The following KCNN2 variants were observed in gnomAD, a reference collection of about 807,000 sequenced individuals.
KCNN2 encodes the protein potassium calcium-activated channel subfamily N member 2.
KCNN2 carries 24 observed loss-of-function variants against 55.5 expected under a neutral mutation model. The ratio of observed to expected loss-of-function variants is 0.43; its 90% CI spans 0.31 to 0.61. KCNN2 has a LOEUF of 0.61. Ranked by LOEUF, KCNN2 falls within the 20% of genes least tolerant of loss-of-function variation. The pLI is 0.08. For missense variants in KCNN2, 754 were observed against 853.6 expected (o/e 0.88, Z 1.45); for synonymous variants, 431 against 336.1 (o/e 1.28, Z -3.09).
chr5:114,259,709 G>A (rs1419995126), intron 2 of KCNN2, among the ~76,000 whole-genome samples: 2 of 152,020 alleles, frequency 1.3e-5, no homozygotes, highest in African/African-American at 4.8e-5. Flanking sequence ...GTAGGGGTGA[G>A]GGGAGCCGAA....
intron 1 of KCNN2, among the ~76,000 whole-genome samples, chr5:114,204,897 C>T (rs192682268): frequency 3.2e-4 from 48 of 152,296 alleles, no homozygotes; most frequent in Non-Finnish European, 4.6e-4. Context: ...ATTTCCAAAA[C>T]GTAGTAAAGG....
chr5:114,431,302 T>A (rs771159721), intron 3 of KCNN2, among the ~76,000 whole-genome samples: 13 of 152,030 alleles, frequency 8.6e-5, no homozygotes, highest in Non-Finnish European at 1.3e-4. Context: ...TTTTTTTTTC[T>A]TGTGTGATTT....
intron 2 of KCNN2, among the ~76,000 whole-genome samples, chr5:114,307,625 A>G (rs768935527): frequency 1.7e-4 from 26 of 152,138 alleles, no homozygotes; most frequent in Admixed American, 2.0e-4. Context: ...TTCTCTTACC[A>G]GTGTATTCCT....
chr5:114,300,951 G>A (rs1448326824), intron 2 of KCNN2, among the ~76,000 whole-genome samples: 1 of 152,094 alleles, frequency 6.6e-6, no homozygotes, highest in African/African-American at 2.4e-5. Flanking sequence ...TTTTCCTTTA[G>A]ATCATGGTGT....
chr5:114,068,889 C>A (rs1454275582), intron 1 of KCNN2, among the ~76,000 whole-genome samples: 1 of 152,080 alleles, frequency 6.6e-6, no homozygotes, highest in Non-Finnish European at 1.5e-5. Flanking sequence ...TCTCAGCTCA[C>A]TGGAACCTCC....
intron 1 of KCNN2, among the ~76,000 whole-genome samples, chr5:114,097,811 C>T (rs1282779434): frequency 6.6e-6 from 1 of 152,150 alleles, no homozygotes; most frequent in Non-Finnish European, 1.5e-5. Flanking sequence ...ACCTTGTCCA[C>T]CTCCTCCCTG....
At chr5:114,061,440 C>A (rs769167314) in intron 1 of KCNN2, among the ~76,000 whole-genome samples, 1 of 152,120 alleles carries the variant, frequency 6.6e-6, no homozygotes, top group Admixed American at 6.5e-5. Context: ...AGATACTACA[C>A]CCATTTTATA....
At chr5:114,295,809 G>T (rs1416199348) in intron 2 of KCNN2, among the ~76,000 whole-genome samples, 3 of 152,196 alleles carry the variant, frequency 2.0e-5, no homozygotes, top group Non-Finnish European at 2.9e-5. Flanking sequence ...ACTGGGAGCT[G>T]TAGACTGGAG....
chr5:114,083,833 A>G (rs1750956047), intron 1 of KCNN2, among the ~76,000 whole-genome samples: 1 of 152,088 alleles, frequency 6.6e-6, no homozygotes, highest in Non-Finnish European at 1.5e-5. Context: ...TCTGTGCTGA[A>G]CCTAGTCATC....
At chr5:114,294,727 A>C (rs547810721) in intron 2 of KCNN2, among the ~76,000 whole-genome samples, 1 of 152,138 alleles carries the variant, frequency 6.6e-6, no homozygotes, top group African/African-American at 2.4e-5. Flanking sequence ...TGCAGAGCCG[A>C]GTTCAATTCC....
chr5:114,362,739 G>A lies in KCNN2; in HGVS notation c.600G>A (p.Gln200=), dbSNP rs767504456. 6.5e-7 allele frequency: 1 copy of A among 1,538,414 alleles called. No individual in the cohort carries two copies. Among genetic ancestry groups the A allele is most frequent in the Non-Finnish European group, 8.7e-7 (1 of 1,149,708 alleles). The change falls in exon 1 of 8, where the codon CAG becomes CAA. Residue 200 remains glutamine (Q), a synonymous_variant. Coordinates refer to ENST00000673685, the MANE Select transcript of KCNN2 (RefSeq NM_021614.4). The stretch of plus-strand genomic sequence containing the variant: ...CGCACCACCAGCACCACCAGCCCCA[G>A]GCGCGCCGCGAGAGCAACCCCTTCA... ...HPAHHQHHQP[Q]ARRESNPFTE...
At chr5:114,403,019 G>GGGCC in intron 2 of KCNN2, among the ~76,000 whole-genome samples, 2 of 152,230 alleles carry the variant, frequency 1.3e-5, no homozygotes, top group South Asian at 4.1e-4. Flanking sequence ...AATGGAAGGA[G>GGGCC]GGCCAGTCCT....
At chr5:114,223,528 G>A (rs1460772920) in intron 2 of KCNN2, among the ~76,000 whole-genome samples, 2 of 152,060 alleles carry the variant, frequency 1.3e-5, no homozygotes, top group Non-Finnish European at 2.9e-5. Flanking sequence ...AGTCTCCTTG[G>A]ACATGCACAG....
rs907595965 is a variant in KCNN2 at position 114,291,373 on chromosome 5, T to C, written c.-184-69572T>C. The stretch of plus-strand genomic sequence containing the variant: ...CCCCACAACAGTCCCTGGAGTGCGA[T>C]GTTCCCCTTCCTATGTCCATGTGTT... On this transcript the variant is annotated intron_variant, in intron 2 of 10. Coordinates refer to the KCNN2 transcript ENST00000512097. Among the ~76,000 whole-genome samples, 8 of 152,190 alleles carry C rather than the reference T, an allele frequency of 5.3e-5. 1 individual carries two copies. Among genetic ancestry groups the C allele is most frequent in the Non-Finnish European group, 2.9e-5 (2 of 68,014 alleles).
At chr5:114,091,060 A>G (rs1045495990) in intron 1 of KCNN2, among the ~76,000 whole-genome samples, 4 of 152,022 alleles carry the variant, frequency 2.6e-5, no homozygotes, top group Non-Finnish European at 5.9e-5. Flanking sequence ...GACTGATCTC[A>G]AACTCCTGTG....
chr5:114,301,026 G>A (rs7722174), intron 2 of KCNN2, among the ~76,000 whole-genome samples: 24,501 of 148,970 alleles, frequency 0.16, 3,501 homozygotes, highest in East Asian at 0.81. Flanking sequence ...AATCTTTTCC[G>A]AAAAGTAAAG....
At position 114,171,910 on chromosome 5, in the gene KCNN2, A is replaced by G. The variant is rs1256796321; in HGVS notation, c.-270-49570A>G. 2.6e-5 allele frequency among the ~76,000 whole-genome samples: 4 copies of G among 151,868 alleles called. No homozygotes were observed. The East Asian group carries it at 7.7e-4, about 29-fold the overall frequency. On this transcript the variant is annotated intron_variant, in intron 1 of 10. Transcript: ENST00000512097. ...AAATTGTGTGTGTGAGGAAGGTGTG[A>G]ACTTATCAGTATAATTATCCCAGTT... is the stretch of plus-strand genomic sequence containing the variant.
intron 1 of KCNN2, among the ~76,000 whole-genome samples, chr5:114,107,524 A>G (rs150256673): frequency 0.03 from 4,502 of 151,896 alleles, 230 homozygotes; most frequent in African/African-American, 0.1. Context: ...AGCTGGGACT[A>G]CAGCCATGCA....
intron 1 of KCNN2, among the ~76,000 whole-genome samples, chr5:114,142,919 G>A (rs1263203869): frequency 6.6e-6 from 1 of 152,146 alleles, no homozygotes; most frequent in Non-Finnish European, 1.5e-5. Flanking sequence ...ACAATCCTAA[G>A]CCAAAAGAAC....
Sources: gnomAD v4.1 joint callset for allele counts (sites outside exome capture counted in the v4.1 genomes callset) on GRCh38, gnomAD v4.1.1 for gene constraint, MANE v1.5 for transcripts, NCBI Gene and HGNC (gene_info 2026-07-23, HGNC 2026-07-21) for gene names.